The following CNTNAP2 variants were observed in gnomAD, a reference collection of about 807,000 sequenced individuals.
CNTNAP2 encodes contactin-associated protein-like 2.
In CNTNAP2, 98 loss-of-function variants were observed where a neutral mutation model predicts 155.2. That is an observed-to-expected ratio of 0.63 (90% confidence interval 0.54 to 0.75). The LOEUF (loss-of-function observed/expected upper bound fraction) is 0.75. CNTNAP2 is among the 30% of genes least tolerant of loss of function. CNTNAP2 has a pLI of 0.00. For missense variants in CNTNAP2, 1,727 were observed against 1,688.1 expected, an observed-to-expected ratio of 1.02 and a Z score of -0.40; for synonymous variants, 651 against 631.2, an observed-to-expected ratio of 1.03 and a Z score of -0.47.
At chr7:146,645,484 A>G (rs1036183582) in intron 1 of CNTNAP2, among the ~76,000 whole-genome samples, 1 of 152,134 alleles carries the variant, frequency 6.6e-6, no homozygotes, top group Admixed American at 6.6e-5. Flanking sequence ...ATGTTCTATA[A>G]TATGTATCTA....
intron 12 of CNTNAP2, among the ~76,000 whole-genome samples, chr7:147,594,732 G>A (rs1800797540): frequency 6.6e-6 from 1 of 152,094 alleles, no homozygotes; most frequent in African/African-American, 2.4e-5. Flanking sequence ...AGTTTTAAAG[G>A]GAAGAATTTT....
At chr7:147,799,383 A>T (rs969944764) in intron 13 of CNTNAP2, among the ~76,000 whole-genome samples, 1 of 152,162 alleles carries the variant, frequency 6.6e-6, no homozygotes, top group Non-Finnish European at 1.5e-5. Context: ...AAATCATAAC[A>T]TTTGTCATGC....
At chr7:147,524,120 C>T (rs769372335) in intron 11 of CNTNAP2, among the ~76,000 whole-genome samples, 6 of 152,190 alleles carry the variant, frequency 3.9e-5, no homozygotes, top group Non-Finnish European at 4.4e-5. Flanking sequence ...GGTAGCTTTG[C>T]TCCACTCACA....
chr7:147,637,857 C>A (rs1795207752), intron 12 of CNTNAP2, among the ~76,000 whole-genome samples: 1 of 152,124 alleles, frequency 6.6e-6, no homozygotes, highest in African/African-American at 2.4e-5. Flanking sequence ...TTAGATCCTA[C>A]TAAATTTGTC....
chr7:147,590,767 A>G (rs148379951), intron 12 of CNTNAP2, among the ~76,000 whole-genome samples: 221 of 152,342 alleles, frequency 1.5e-3, no homozygotes, highest in African/African-American at 4.9e-3. Context: ...TCAGAGAAGT[A>G]GATGCTGGTG....
chr7:146,777,418 T>G (rs1802409037), intron 2 of CNTNAP2, among the ~76,000 whole-genome samples: 1 of 152,196 alleles, frequency 6.6e-6, no homozygotes, highest in Non-Finnish European at 1.5e-5. Flanking sequence ...GCTCTGCCCC[T>G]GCAGGTACAG....
chr7:147,742,373 C>T (rs866900816), intron 13 of CNTNAP2, among the ~76,000 whole-genome samples: 2 of 152,316 alleles, frequency 1.3e-5, no homozygotes, highest in Middle Eastern at 6.8e-3. Flanking sequence ...TAGCCAAGTA[C>T]ATTTGCTCTT....
chr7:147,132,301 T>A lies in CNTNAP2; in HGVS notation c.1140T>A (p.Ala380=), dbSNP rs141439475. Residue 380 remains alanine, a synonymous_variant, in exon 8 of 24, where the codon GCT becomes GCA. Coordinates refer to ENST00000361727, the MANE Select transcript of CNTNAP2 (RefSeq NM_014141.6). ...ATACGGTGCCTGTCTTTTTCAACGCTACAAGTTACCTGGAGGTGCCCGGAC... is the reference window on the plus strand; with the variant it reads ...ATACGGTGCCTGTCTTTTTCAACGCAACAAGTTACCTGGAGGTGCCCGGAC... The part of the protein sequence containing the change: ...EPYTVPVFFN[A]TSYLEVPGRL... 127 of 1,613,796 alleles carry A rather than the reference T, an allele frequency of 7.9e-5. No homozygotes were observed. In the African/African-American group the frequency reaches 1.6e-3, roughly 20 times the overall value.
intron 9 of CNTNAP2, chr7:147,377,953 T>G (rs1262076629): frequency 2.2e-6 from 1 of 452,838 alleles, no homozygotes; most frequent in Admixed American, 2.6e-5. Context: ...TTTTAAATGT[T>G]CTGGAAAATT....
chr7:147,300,043 A>T, intron 8 of CNTNAP2, 98 bp from the exon 9 acceptor site: 1 of 1,338,488 alleles, frequency 7.5e-7, no homozygotes. Flanking sequence ...CCAAGAGAAA[A>T]ATACTTTTAT....
At chr7:147,835,941 G>T (rs1798625700) in intron 13 of CNTNAP2, among the ~76,000 whole-genome samples, 1 of 152,202 alleles carries the variant, frequency 6.6e-6, no homozygotes, top group Admixed American at 6.5e-5. Context: ...CTCCCCTGGA[G>T]CTGTGGAGGG....
At chr7:147,898,108 A>C (rs189114006) in intron 13 of CNTNAP2, among the ~76,000 whole-genome samples, 240 of 152,332 alleles carry the variant, frequency 1.6e-3, no homozygotes, top group African/African-American at 5.4e-3. Context: ...ATGCCAAGGG[A>C]AAATAATAAC....
intron 1 of CNTNAP2, among the ~76,000 whole-genome samples, chr7:146,659,459 G>C (rs1233762793): frequency 1.3e-5 from 2 of 152,128 alleles, no homozygotes; most frequent in Non-Finnish European, 2.9e-5. Context: ...TGGCAAAAAT[G>C]TCCTGCTATT....
At chr7:147,582,846 C>G (rs1181741617) in intron 12 of CNTNAP2, among the ~76,000 whole-genome samples, 2 of 152,136 alleles carry the variant, frequency 1.3e-5, no homozygotes, top group African/African-American at 2.4e-5. Flanking sequence ...TAATATTAAT[C>G]TGGACTTCCT....
intron 1 of CNTNAP2, among the ~76,000 whole-genome samples, chr7:146,188,575 G>A (rs1237698571): frequency 6.6e-6 from 1 of 152,126 alleles, no homozygotes; most frequent in East Asian, 1.9e-4. Flanking sequence ...TCTAGAAAAT[G>A]TTAGATATAC....
At chr7:147,729,869 A>T (rs1274588799) in intron 13 of CNTNAP2, among the ~76,000 whole-genome samples, 1 of 152,108 alleles carries the variant, frequency 6.6e-6, no homozygotes, top group Non-Finnish European at 1.5e-5. Context: ...TGAGAGAAAA[A>T]AGACCAGTGA....
intron 1 of CNTNAP2, among the ~76,000 whole-genome samples, chr7:146,741,919 CAA>C (rs530998732): frequency 8.0e-4 from 122 of 152,178 alleles, no homozygotes; most frequent in African/African-American, 2.6e-3. Context: ...AAAACCCTAA[CAA>C]GAGGCAATAG....
At position 146,431,724 on chromosome 7, in the gene CNTNAP2, G is replaced by T. The variant is rs527325209; in HGVS notation, c.97+314751G>T. 2.0e-5 allele frequency among the ~76,000 whole-genome samples: 3 copies of T among 152,130 alleles called. No individual in the cohort carries two copies. In the South Asian group the frequency reaches 6.2e-4, roughly 31 times the overall value. On this transcript the variant is annotated intron_variant, in intron 1 of 23. Transcript: ENST00000361727. ...AGTCACACAGCTGGTTAGTAAGTAA[G>T]AAAAAGTTTTGATGGTTGGAACAAA...
chr7:146,896,348 G>A (rs956655818), intron 3 of CNTNAP2, among the ~76,000 whole-genome samples: 30 of 152,158 alleles, frequency 2.0e-4, no homozygotes, highest in African/African-American at 6.7e-4. Context: ...TTACTTGGGT[G>A]ATGCCTACTA....
Sources: allele counts gnomAD v4.1 joint callset (sites outside exome capture counted in the v4.1 genomes callset), GRCh38; gene constraint gnomAD v4.1.1; transcripts MANE v1.5; gene names NCBI Gene and HGNC (gene_info 2026-07-23, HGNC 2026-07-21).